Variants in SLC8A1 observed in about 807,000 individuals in gnomAD.
SLC8A1 encodes the protein solute carrier family 8 member A1.
A neutral mutation model predicts 68.3 loss-of-function variants in SLC8A1; 18 were observed. The observed-to-expected ratio is 0.26, with a 90% CI of 0.18 to 0.39. The LOEUF (loss-of-function observed/expected upper bound fraction) is 0.39. Ranked by LOEUF, SLC8A1 falls within the 10% of genes least tolerant of loss-of-function variation. The pLI, the probability that SLC8A1 is intolerant of heterozygous loss-of-function variation, is 1.00. For synonymous variants in SLC8A1, 475 were observed against 415.5 expected, an observed-to-expected ratio of 1.14 and a Z score of -1.74; for missense variants, 985 against 1,156.7, an observed-to-expected ratio of 0.85 and a Z score of 2.15.
chr2:40,243,482 CAAAA>C (rs1186464071), intron 2 of SLC8A1, among the ~76,000 whole-genome samples: 1 of 151,508 alleles, frequency 6.6e-6, no homozygotes, highest in Non-Finnish European at 1.5e-5. Context: ...GACCCTGTCT[CAAAA>C]AAGAGAAAAA....
chr2:40,181,825 C>G (rs1177575632), intron 2 of SLC8A1, among the ~76,000 whole-genome samples: 1 of 152,158 alleles, frequency 6.6e-6, no homozygotes, highest in Non-Finnish European at 1.5e-5. Context: ...AGGAACACAT[C>G]CTTAGGATGT....
intron 2 of SLC8A1, among the ~76,000 whole-genome samples, chr2:40,425,758 T>C (rs1256963571): frequency 6.6e-6 from 1 of 151,852 alleles, no homozygotes; most frequent in Non-Finnish European, 1.5e-5. Context: ...TTCACTTGGA[T>C]CTGACTGTAT....
chr2:40,293,049 TTTG>T lies in SLC8A1; in HGVS notation c.1809-115197_1809-115195del, dbSNP rs1197988527. Among the ~76,000 whole-genome samples, 16 of 152,214 alleles carry T rather than the reference TTTG, an allele frequency of 1.1e-4. No individual in the cohort carries two copies. The East Asian group carries it at 2.3e-3, about 22-fold the overall frequency. ...TTTCCCTTCTTAGAGTAGATCTTAT[TTTG>T]TTGTTGTTGTTTTCTGCCAGAAAAT... On this transcript the variant is annotated intron_variant, in intron 2 of 7. Coordinates refer to ENST00000406785, the Ensembl canonical transcript of SLC8A1.
At chr2:40,313,846 T>C (rs1467856551) in intron 2 of SLC8A1, among the ~76,000 whole-genome samples, 1 of 152,146 alleles carries the variant, frequency 6.6e-6, no homozygotes, top group Admixed American at 6.6e-5. Context: ...TAGTGAAATA[T>C]CTGCTCAAAT....
At chr2:40,259,510 C>A (rs1483760676) in intron 2 of SLC8A1, among the ~76,000 whole-genome samples, 1 of 152,116 alleles carries the variant, frequency 6.6e-6, no homozygotes, top group African/African-American at 2.4e-5. Flanking sequence ...AAAATAGGGT[C>A]TCATTCTGTG....
intron 2 of SLC8A1, among the ~76,000 whole-genome samples, chr2:40,330,720 A>T (rs1445610060): frequency 3.3e-5 from 5 of 152,246 alleles, no homozygotes; most frequent in Admixed American, 1.3e-4. Flanking sequence ...TTACCAGCTC[A>T]TAAAGGAAAA....
chr2:40,162,685 T>C (rs139044466), intron 5 of SLC8A1, among the ~76,000 whole-genome samples: 2 of 152,290 alleles, frequency 1.3e-5, no homozygotes, highest in African/African-American at 4.8e-5. Context: ...AATAAAGATA[T>C]AGTTCAGACA....
chr2:40,347,849 GA>G (rs1291306732), intron 2 of SLC8A1, among the ~76,000 whole-genome samples: 1 of 152,060 alleles, frequency 6.6e-6, no homozygotes, highest in Non-Finnish European at 1.5e-5. Flanking sequence ...TTTTCATCTT[GA>G]AATCAACCAT....
chr2:40,207,797 C>G (rs2055759646), intron 2 of SLC8A1, among the ~76,000 whole-genome samples: 1 of 152,040 alleles, frequency 6.6e-6, no homozygotes, highest in Non-Finnish European at 1.5e-5. Context: ...AAACAACTAC[C>G]CTTTCCCTTT....
intron 6 of SLC8A1, among the ~76,000 whole-genome samples, chr2:40,150,207 G>T (rs2043166225): frequency 6.6e-6 from 1 of 152,202 alleles, no homozygotes; most frequent in Admixed American, 6.5e-5. Flanking sequence ...GAAGCATGCG[G>T]TGGGATGTAT....
In SLC8A1 at chr2:40,126,245, T is replaced by C. The variant is rs77748165; in HGVS notation, c.2438-10616A>G. 1.3e-3 allele frequency among the ~76,000 whole-genome samples: 200 copies of C among 152,228 alleles called. 1 individual carries two copies. Among genetic ancestry groups the C allele is most frequent in the Non-Finnish European group, 2.5e-3 (168 of 68,020 alleles). The stretch of plus-strand genomic sequence containing the variant: ...AGGGCTGCTGTGGGTATCAAAGAGA[T>C]GAATTATAAAAACATACTTTTAAAA... On this transcript the variant is annotated intron_variant, in intron 7 of 7. Transcript: ENST00000406785.
At chr2:40,338,464 T>C (rs1472268241) in intron 2 of SLC8A1, among the ~76,000 whole-genome samples, 2 of 152,172 alleles carry the variant, frequency 1.3e-5, no homozygotes, top group East Asian at 3.8e-4. Flanking sequence ...AGCCTGCTGA[T>C]TGAAGATTAC....
At chr2:40,368,627 T>C (rs930799201) in intron 2 of SLC8A1, among the ~76,000 whole-genome samples, 1 of 152,082 alleles carries the variant, frequency 6.6e-6, no homozygotes, top group South Asian at 2.1e-4. Context: ...GTGGTACAAG[T>C]GTAGGTTTGT....
rs1241356849 is a variant in SLC8A1, at chr2:40,266,225, A to G, written c.1809-88370T>C. On this transcript the variant is annotated intron_variant, in intron 2 of 7. Coordinates refer to ENST00000406785, the Ensembl canonical transcript of SLC8A1. ...CATATGTAGACATTCCTTTCTTTTA[A>G]AACTACAGAAGTACCATATTCTCAG... Among the ~76,000 whole-genome samples, 7 of 152,126 alleles carry G rather than the reference A, an allele frequency of 4.6e-5. No individual in the cohort carries two copies. In the East Asian group the frequency reaches 1.4e-3, roughly 29 times the overall value.
intron 6 of SLC8A1, among the ~76,000 whole-genome samples, chr2:40,147,240 A>C (rs2042639288): frequency 6.6e-6 from 1 of 152,298 alleles, no homozygotes; most frequent in South Asian, 2.1e-4. Flanking sequence ...CCTAAAAAAA[A>C]ATCCGCTATA....
intron 3 of SLC8A1, among the ~76,000 whole-genome samples, chr2:40,176,543 C>T (rs1031157847): frequency 6.6e-6 from 1 of 152,070 alleles, no homozygotes; most frequent in East Asian, 1.9e-4. Context: ...TTAAAATAGG[C>T]CTTGAGTGCT....
chr2:40,229,421 T>A (rs1417479655), intron 2 of SLC8A1, among the ~76,000 whole-genome samples: 1 of 151,984 alleles, frequency 6.6e-6, no homozygotes, highest in Non-Finnish European at 1.5e-5. Flanking sequence ...TTAAAAAAAA[T>A]CTGTTGTTAG....
At chr2:40,298,097 G>T (rs1319608625) in intron 2 of SLC8A1, among the ~76,000 whole-genome samples, 2 of 152,136 alleles carry the variant, frequency 1.3e-5, no homozygotes, top group South Asian at 2.1e-4. Context: ...GGCCAGGCTG[G>T]TCTCGAACTC....
intron 4 of SLC8A1, among the ~76,000 whole-genome samples, chr2:40,171,002 G>A (rs1227590495): frequency 1.3e-5 from 2 of 152,088 alleles, no homozygotes; most frequent in Non-Finnish European, 2.9e-5. Flanking sequence ...AGGCCTAGGG[G>A]GTTCTCATTG....
Sources: gnomAD v4.1 joint callset for allele counts (sites outside exome capture counted in the v4.1 genomes callset) on GRCh38, gnomAD v4.1.1 for gene constraint, MANE v1.5 for transcripts, NCBI Gene and HGNC (gene_info 2026-07-23, HGNC 2026-07-21) for gene names.